Variants in HTR2C observed in about 807,000 individuals in gnomAD.
The protein encoded by HTR2C is 5-hydroxytryptamine receptor 2C.
In HTR2C, 5 loss-of-function variants were observed where a neutral mutation model predicts 21.0. That is an observed-to-expected ratio of 0.24 (90% confidence interval 0.12 to 0.50). The LOEUF is 0.50. Among genes scored for constraint, HTR2C ranks in the 20% least tolerant of loss-of-function variants. The pLI, the probability that HTR2C is intolerant of heterozygous loss-of-function variation, is 0.98. For missense variants in HTR2C, 271 were observed against 371.2 expected (o/e 0.73, Z 2.22); for synonymous variants, 150 against 145.3 (o/e 1.03, Z -0.23).
intron 4 of HTR2C, among the ~76,000 whole-genome samples, chrX:114,774,668 TCCCTCCCCTG>T (rs2147393549): frequency 8.9e-6 from 1 of 112,247 alleles, no homozygotes; most frequent in East Asian, 2.8e-4. Flanking sequence ...CAATGTTATT[TCCCTCCCCTG>T]TGCACATGTT....
chrX:114,588,427 A>G (rs781875630), intron 1 of HTR2C, among the ~76,000 whole-genome samples: 5 of 111,683 alleles, frequency 4.5e-5, no homozygotes, highest in Non-Finnish European at 7.5e-5. Flanking sequence ...TTAGAACTGC[A>G]TTGTCCAGTG....
chrX:114,635,882 C>G (rs1162816508), intron 2 of HTR2C, among the ~76,000 whole-genome samples: 1 of 111,275 alleles, frequency 9.0e-6, no homozygotes, highest in Non-Finnish European at 1.9e-5. Context: ...TGCAAGTACC[C>G]TTTGTTTCCT....
chrX:114,747,773 G>A (rs1239605121), intron 4 of HTR2C, among the ~76,000 whole-genome samples: 2 of 112,538 alleles, frequency 1.8e-5, no homozygotes, highest in Admixed American at 1.9e-4. Context: ...ATTGAGAGAA[G>A]CCTCCCACAT....
At chrX:114,871,946 G>C (rs1457179970) in intron 5 of HTR2C, among the ~76,000 whole-genome samples, 1 of 108,245 alleles carries the variant, frequency 9.2e-6, no homozygotes, top group Non-Finnish European at 1.9e-5. Context: ...AAATTATTTG[G>C]CATGCAATTA....
At chrX:114,890,435 A>G (rs1331313237) in intron 5 of HTR2C, among the ~76,000 whole-genome samples, 1 of 111,843 alleles carries the variant, frequency 8.9e-6, no homozygotes, top group Non-Finnish European at 1.9e-5. Context: ...TTCACTTACC[A>G]TTTCTTGTTC....
intron 2 of HTR2C, among the ~76,000 whole-genome samples, chrX:114,655,592 A>C (rs1930753576): frequency 9.0e-6 from 1 of 111,550 alleles, no homozygotes; most frequent in Non-Finnish European, 1.9e-5. Context: ...TATGAAAATA[A>C]TTTTACAGCT....
chrX:114,653,499 A>T (rs1296806375), intron 2 of HTR2C, among the ~76,000 whole-genome samples: 2 of 110,327 alleles, frequency 1.8e-5, no homozygotes, highest in Non-Finnish European at 3.8e-5. Context: ...CAAAATATTT[A>T]TGCCTGTCTT....
At position 114,905,694 on chromosome X, in the gene HTR2C, A is replaced by G. The variant is rs782171262; in HGVS notation, c.551-895A>G. On this transcript the variant is annotated intron_variant, in intron 5 of 5. Transcript: ENST00000276198. ...GGACAGCAATCTCTATCTGTTATCT[A>G]TTTATCTCTATGTATTGATGCAGGA... 9.9e-5 allele frequency among the ~76,000 whole-genome samples: 11 copies of G among 111,475 alleles called. No individual in the cohort carries two copies. In the South Asian group the frequency reaches 4.2e-3, roughly 42 times the overall value.
chrX:114,785,811 T>C (rs2070169269), intron 4 of HTR2C, among the ~76,000 whole-genome samples: 2 of 112,008 alleles, frequency 1.8e-5, no homozygotes, highest in South Asian at 7.3e-4. Context: ...GAAAACACCC[T>C]GCAGTGAATT....
At chrX:114,738,463 A>C (rs1602734844) in intron 4 of HTR2C, among the ~76,000 whole-genome samples, 1 of 111,904 alleles carries the variant, frequency 8.9e-6, no homozygotes, top group East Asian at 2.8e-4. Flanking sequence ...ATTAAAAAAG[A>C]ATACACCACG....
intron 4 of HTR2C, among the ~76,000 whole-genome samples, chrX:114,787,673 C>T (rs1372283852): frequency 3.6e-5 from 4 of 111,839 alleles, no homozygotes; most frequent in East Asian, 2.8e-4. Flanking sequence ...ATAGGCCAGG[C>T]GCGGTGGCTC....
At chrX:114,665,204 C>T (rs963871831) in intron 2 of HTR2C, among the ~76,000 whole-genome samples, 1 of 111,880 alleles carries the variant, frequency 8.9e-6, no homozygotes, top group Non-Finnish European at 1.9e-5. Flanking sequence ...CTCCTTATTA[C>T]ACTGACTCAG....
chrX:114,588,990 C>A (rs187439228), intron 1 of HTR2C, among the ~76,000 whole-genome samples: 3 of 111,944 alleles, frequency 2.7e-5, no homozygotes, highest in African/African-American at 9.7e-5. Flanking sequence ...CTGAGGCATA[C>A]AAAGAGGTTA....
intron 2 of HTR2C, among the ~76,000 whole-genome samples, chrX:114,711,526 C>T (rs1017584352): frequency 9.0e-6 from 1 of 111,481 alleles, no homozygotes; most frequent in Admixed American, 9.6e-5. Flanking sequence ...ATGGGCAGAG[C>T]TCTTTGCCTT....
At chrX:114,870,287 G>A (rs1248985834) in intron 5 of HTR2C, among the ~76,000 whole-genome samples, 1 of 109,920 alleles carries the variant, frequency 9.1e-6, no homozygotes, top group African/African-American at 3.3e-5. Context: ...TTGCCATGTT[G>A]GCCAGGCTGG....
At chrX:114,809,461 G>A (rs1353420583) in intron 4 of HTR2C, among the ~76,000 whole-genome samples, 1 of 105,906 alleles carries the variant, frequency 9.4e-6, no homozygotes, top group Admixed American at 1.0e-4. Context: ...TCGGGTCACT[G>A]CAACCTCTGC....
At chrX:114,648,405 G>T (rs781799549) in intron 2 of HTR2C, among the ~76,000 whole-genome samples, 1 of 111,170 alleles carries the variant, frequency 9.0e-6, no homozygotes, top group African/African-American at 3.3e-5. Flanking sequence ...GTACTACTAC[G>T]GTCTTCTAGA....
intron 2 of HTR2C, among the ~76,000 whole-genome samples, chrX:114,689,865 A>C (rs1250932460): frequency 8.9e-6 from 1 of 112,064 alleles, no homozygotes; most frequent in Non-Finnish European, 1.9e-5. Context: ...TTTGTGATGC[A>C]GTACTTTTTA....
At chrX:114,702,329 A>G (rs1932555540) in intron 2 of HTR2C, among the ~76,000 whole-genome samples, 1 of 109,572 alleles carries the variant, frequency 9.1e-6, no homozygotes, top group African/African-American at 3.3e-5. Context: ...GGTTACCCAC[A>G]AAGGGAAGCC....
Sources: gnomAD v4.1 joint callset for allele counts (sites outside exome capture counted in the v4.1 genomes callset) on GRCh38, gnomAD v4.1.1 for gene constraint, MANE v1.5 for transcripts, NCBI Gene and HGNC (gene_info 2026-07-23, HGNC 2026-07-21) for gene names.